Variants in NKAIN2 observed in about 807,000 individuals in gnomAD.
The protein encoded by NKAIN2 is sodium/potassium-transporting ATPase subunit beta-1-interacting protein 2.
A neutral mutation model predicts 32.6 loss-of-function variants in NKAIN2; 14 were observed. The ratio of observed to expected loss-of-function variants is 0.43; its 90% confidence interval spans 0.28 to 0.67. The LOEUF (loss-of-function observed/expected upper bound fraction) is 0.67. Ranked by LOEUF, NKAIN2 falls within the 30% of genes least tolerant of loss-of-function variation. The pLI is 0.17. For missense variants in NKAIN2, 198 were observed against 258.3 expected, an observed-to-expected ratio of 0.77 and a Z score of 1.60; for synonymous variants, 80 against 87.2, an observed-to-expected ratio of 0.92 and a Z score of 0.46.
intron 3 of NKAIN2, among the ~76,000 whole-genome samples, chr6:124,533,257 G>T (rs1466034242): frequency 2.0e-5 from 3 of 151,898 alleles, no homozygotes; most frequent in African/African-American, 4.8e-5. Flanking sequence ...AATTCCTGCT[G>T]CTTGGAGATC....
chr6:124,013,988 C>A (rs1201503915), intron 1 of NKAIN2, among the ~76,000 whole-genome samples: 3 of 152,140 alleles, frequency 2.0e-5, no homozygotes, highest in African/African-American at 7.2e-5. Context: ...TACTGAACTT[C>A]TGATCTATAG....
intron 1 of NKAIN2, among the ~76,000 whole-genome samples, chr6:124,144,164 T>A (rs940566011): frequency 6.6e-6 from 1 of 152,220 alleles, no homozygotes; most frequent in African/African-American, 2.4e-5. Context: ...TTTTATGAAG[T>A]TTGGTAAGCT....
At chr6:124,694,992 A>T (rs1426181268) in intron 4 of NKAIN2, among the ~76,000 whole-genome samples, 1 of 152,130 alleles carries the variant, frequency 6.6e-6, no homozygotes, top group Non-Finnish European at 1.5e-5. Flanking sequence ...AAGCTCTAGC[A>T]GTACCTTTAT....
intron 4 of NKAIN2, among the ~76,000 whole-genome samples, chr6:124,679,007 A>T (rs896864164): frequency 6.6e-6 from 1 of 151,942 alleles, no homozygotes; most frequent in Non-Finnish European, 1.5e-5. Flanking sequence ...GGTGCATGTC[A>T]GAAGTACCAA....
chr6:124,129,630 T>A (rs1156851177), intron 1 of NKAIN2, among the ~76,000 whole-genome samples: 1 of 152,136 alleles, frequency 6.6e-6, no homozygotes, highest in East Asian at 1.9e-4. Flanking sequence ...CAATCTTTTT[T>A]TTTTGAGACG....
chr6:124,019,134 GA>G (rs1219295367), intron 1 of NKAIN2, among the ~76,000 whole-genome samples: 2 of 152,030 alleles, frequency 1.3e-5, no homozygotes, highest in Admixed American at 6.6e-5. Context: ...AACAGCATGG[GA>G]AAGACCCACC....
At chr6:124,691,914 T>C (rs1327153020) in intron 4 of NKAIN2, among the ~76,000 whole-genome samples, 3 of 152,222 alleles carry the variant, frequency 2.0e-5, no homozygotes, top group Non-Finnish European at 4.4e-5. Context: ...GAAAATCACA[T>C]CACTTCTTTC....
chr6:124,065,526 G>A (rs74693594), intron 1 of NKAIN2, among the ~76,000 whole-genome samples: 2,721 of 152,154 alleles, frequency 0.018, 85 homozygotes, highest in African/African-American at 0.059. Flanking sequence ...GGAGCTATTC[G>A]CCTCTCTGCC....
At chr6:124,432,224 T>G (rs906444371) in intron 3 of NKAIN2, among the ~76,000 whole-genome samples, 2 of 152,162 alleles carry the variant, frequency 1.3e-5, no homozygotes, top group Non-Finnish European at 2.9e-5. Flanking sequence ...TTTCAAAGTT[T>G]AAAAGTTGAT....
intron 1 of NKAIN2, among the ~76,000 whole-genome samples, chr6:124,062,859 G>A (rs1782980599): frequency 6.6e-6 from 1 of 152,102 alleles, no homozygotes; most frequent in Non-Finnish European, 1.5e-5. Context: ...GAACTTTTAT[G>A]TAAATTAGCA....
chr6:124,371,448 C>G (rs1479719592), intron 3 of NKAIN2, among the ~76,000 whole-genome samples: 2 of 152,010 alleles, frequency 1.3e-5, no homozygotes, highest in Non-Finnish European at 2.9e-5. Context: ...AATCCCAGCA[C>G]TTTGGGAGGC....
chr6:124,027,616 A>T (rs1201114657), intron 1 of NKAIN2, among the ~76,000 whole-genome samples: 1 of 152,140 alleles, frequency 6.6e-6, no homozygotes, highest in Non-Finnish European at 1.5e-5. Context: ...TCCTACAGTG[A>T]TATCATCGTC....
At chr6:123,922,047 T>G (rs906372590) in intron 1 of NKAIN2, among the ~76,000 whole-genome samples, 22 of 152,234 alleles carry the variant, frequency 1.4e-4, no homozygotes, top group Non-Finnish European at 2.8e-4. Flanking sequence ...TCAGGATTTC[T>G]GACCTTACAT....
intron 3 of NKAIN2, among the ~76,000 whole-genome samples, chr6:124,638,437 T>G (rs1299725657): frequency 1.3e-5 from 2 of 152,162 alleles, no homozygotes; most frequent in African/African-American, 4.8e-5. Flanking sequence ...AAAAGCCTTC[T>G]GAACAGCAAA....
At chr6:123,994,349 T>G (rs969112111) in intron 1 of NKAIN2, among the ~76,000 whole-genome samples, 8 of 152,150 alleles carry the variant, frequency 5.3e-5, no homozygotes, top group Admixed American at 3.3e-4. Context: ...TATTTACAAC[T>G]GTGGGTGGAA....
chr6:124,654,908 G>C (rs190771749), intron 3 of NKAIN2, among the ~76,000 whole-genome samples: 1 of 152,224 alleles, frequency 6.6e-6, no homozygotes, highest in East Asian at 1.9e-4. Context: ...TTGGCCTCTA[G>C]AACTGTGAGA....
intron 3 of NKAIN2, among the ~76,000 whole-genome samples, chr6:124,534,609 T>TC (rs1779648309): frequency 6.6e-6 from 1 of 152,234 alleles, no homozygotes; most frequent in Non-Finnish European, 1.5e-5. Flanking sequence ...CTTTAGTGTT[T>TC]CATCCAAGGA....
intron 4 of NKAIN2, among the ~76,000 whole-genome samples, chr6:124,779,310 GGGAGGGAGGGAAGGAA>G (rs1386336015): frequency 0.011 from 1,030 of 95,646 alleles, 12 homozygotes; most frequent in African/African-American, 0.016. Flanking sequence ...GAGGGAGGGA[GGGAGGGAGGGAAGGAA>G]GGAAGGAAGG....
chr6:124,711,760 T>C (rs1457062691), intron 4 of NKAIN2, among the ~76,000 whole-genome samples: 1 of 152,164 alleles, frequency 6.6e-6, no homozygotes, highest in African/African-American at 2.4e-5. Flanking sequence ...TGCCTTTGGT[T>C]TGAATGTCCT....
Sources: gnomAD v4.1 joint callset for allele counts (sites outside exome capture counted in the v4.1 genomes callset) on GRCh38, gnomAD v4.1.1 for gene constraint, MANE v1.5 for transcripts, NCBI Gene and HGNC (gene_info 2026-07-23, HGNC 2026-07-21) for gene names.